Variants in NELL1 observed in about 807,000 individuals in gnomAD.
The protein encoded by NELL1 is protein kinase C-binding protein NELL1.
NELL1 carries 76 observed loss-of-function variants against 107.4 expected under a neutral mutation model. The ratio of observed to expected loss-of-function variants is 0.71; its 90% CI spans 0.59 to 0.86. The LOEUF (loss-of-function observed/expected upper bound fraction) is 0.86, where lower values mean the gene tolerates loss of function less well. Among genes scored for constraint, NELL1 ranks in the 40% least tolerant of loss-of-function variants. The pLI is 0.00. For synonymous variants in NELL1, 353 were observed against 341.2 expected, an observed-to-expected ratio of 1.03 and a Z score of -0.38; for missense variants, 1,024 against 1,005.5, an observed-to-expected ratio of 1.02 and a Z score of -0.25.
intron 12 of NELL1, among the ~76,000 whole-genome samples, chr11:21,066,216 T>C (rs1205233199): frequency 6.6e-6 from 1 of 152,200 alleles, no homozygotes; most frequent in Non-Finnish European, 1.5e-5. Flanking sequence ...CACAAAGACA[T>C]TGTGTCTCCC....
chr11:20,792,989 G>A (rs1217502173), intron 3 of NELL1, among the ~76,000 whole-genome samples: 1 of 151,826 alleles, frequency 6.6e-6, no homozygotes, highest in Admixed American at 6.5e-5. Context: ...TTCTACAAGT[G>A]TTTCTGATAG....
intron 15 of NELL1, among the ~76,000 whole-genome samples, chr11:21,415,147 C>T (rs1414678222): frequency 6.6e-6 from 1 of 152,092 alleles, no homozygotes; most frequent in Non-Finnish European, 1.5e-5. Flanking sequence ...CTGAACTTGT[C>T]TGAGAAACTC....
At chr11:20,984,611 C>G in intron 12 of NELL1, among the ~76,000 whole-genome samples, 1 of 151,952 alleles carries the variant, frequency 6.6e-6, no homozygotes, top group East Asian at 1.9e-4. Flanking sequence ...TACATTTTTC[C>G]TAGCCTTTAC....
intron 13 of NELL1, among the ~76,000 whole-genome samples, chr11:21,213,156 A>C (rs1296276377): frequency 6.6e-6 from 1 of 152,162 alleles, no homozygotes; most frequent in Non-Finnish European, 1.5e-5. Context: ...ATCTAGTTAA[A>C]AGTCTAACAA....
At chr11:20,680,770 T>C (rs1038532839) in intron 2 of NELL1, among the ~76,000 whole-genome samples, 2 of 152,150 alleles carry the variant, frequency 1.3e-5, no homozygotes, top group Admixed American at 6.6e-5. Flanking sequence ...TTGTTTGCAG[T>C]TGAGTAGTTT....
At chr11:21,200,263 C>G in intron 13 of NELL1, among the ~76,000 whole-genome samples, 1 of 152,188 alleles carries the variant, frequency 6.6e-6, no homozygotes, top group Non-Finnish European at 1.5e-5. Context: ...CTCCCATCAA[C>G]AGTGTAAAAG....
intron 3 of NELL1, among the ~76,000 whole-genome samples, chr11:20,843,016 C>T (rs949863669): frequency 1.3e-5 from 2 of 152,102 alleles, no homozygotes; most frequent in African/African-American, 2.4e-5. Context: ...TGAGGTCTTA[C>T]AAAATTGTAG....
At chr11:21,153,789 A>G (rs1590686264) in intron 13 of NELL1, among the ~76,000 whole-genome samples, 1 of 152,160 alleles carries the variant, frequency 6.6e-6, no homozygotes, top group African/African-American at 2.4e-5. Flanking sequence ...ACCAAAGATT[A>G]TACACTAATA....
At chr11:20,732,528 G>A (rs555524885) in intron 2 of NELL1, among the ~76,000 whole-genome samples, 1 of 152,286 alleles carries the variant, frequency 6.6e-6, no homozygotes, top group East Asian at 1.9e-4. Context: ...ACTCCCAGGT[G>A]GTGAGTGCTG....
At chr11:21,527,850 T>C (rs1303110994) in intron 15 of NELL1, among the ~76,000 whole-genome samples, 4 of 152,288 alleles carry the variant, frequency 2.6e-5, no homozygotes, top group South Asian at 2.1e-4. Context: ...GCCAGTCTAG[T>C]CCTTCCACGT....
intron 10 of NELL1, among the ~76,000 whole-genome samples, chr11:20,938,893 C>G (rs548595485): frequency 1.4e-4 from 20 of 141,852 alleles, no homozygotes; most frequent in Admixed American, 1.3e-3. Flanking sequence ...CATTGAAGCT[C>G]TCTCTTCTCT....
intron 13 of NELL1, among the ~76,000 whole-genome samples, chr11:21,211,812 A>C (rs1177508938): frequency 6.6e-6 from 1 of 151,452 alleles, no homozygotes; most frequent in African/African-American, 2.4e-5. Flanking sequence ...TGCTGCTTCT[A>C]TTTTTTTTGT....
At chr11:21,528,740 A>G (rs748173282) in intron 15 of NELL1, among the ~76,000 whole-genome samples, 1 of 152,148 alleles carries the variant, frequency 6.6e-6, no homozygotes, top group Non-Finnish European at 1.5e-5. Flanking sequence ...AAAAAGATAA[A>G]TAACTTGCTC....
At chr11:21,339,453 T>G (rs1440936757) in intron 14 of NELL1, among the ~76,000 whole-genome samples, 1 of 152,226 alleles carries the variant, frequency 6.6e-6, no homozygotes, top group Non-Finnish European at 1.5e-5. Flanking sequence ...ACAATGAATT[T>G]CTGTTGTTTA....
intron 2 of NELL1, among the ~76,000 whole-genome samples, chr11:20,682,981 T>C (rs553664866): frequency 2.8e-4 from 42 of 152,192 alleles, no homozygotes; most frequent in African/African-American, 9.9e-4. Flanking sequence ...TAAAATAATT[T>C]GTGTTTTTTC....
intron 12 of NELL1, among the ~76,000 whole-genome samples, chr11:21,003,788 T>A (rs561553891): frequency 3.3e-5 from 5 of 152,214 alleles, no homozygotes; most frequent in South Asian, 2.1e-4. Flanking sequence ...TTAATTTTTT[T>A]ATTTTATTAT....
intron 15 of NELL1, among the ~76,000 whole-genome samples, chr11:21,392,116 A>C (rs1196584294): frequency 2.6e-5 from 4 of 151,920 alleles, no homozygotes; most frequent in African/African-American, 9.6e-5. Flanking sequence ...CCCCTGTCTC[A>C]GTATAGTATT....
chr11:20,934,367 C>G (rs1470575779), intron 9 of NELL1, among the ~76,000 whole-genome samples: 2 of 152,170 alleles, frequency 1.3e-5, no homozygotes, highest in Non-Finnish European at 2.9e-5. Context: ...TTCACCAGCA[C>G]CAAAGCACCC....
At chr11:21,337,742 T>TTCTC (rs1850443800) in intron 14 of NELL1, among the ~76,000 whole-genome samples, 1 of 99,284 alleles carries the variant, frequency 1.0e-5, no homozygotes, top group Admixed American at 9.5e-5. Context: ...TTTCCTTTCT[T>TTCTC]TCTTTCTTTC....
Sources: allele counts gnomAD v4.1 joint callset (sites outside exome capture counted in the v4.1 genomes callset), GRCh38; gene constraint gnomAD v4.1.1; transcripts MANE v1.5; gene names NCBI Gene and HGNC (gene_info 2026-07-23, HGNC 2026-07-21).